The following NRXN1 variants were observed in gnomAD, a reference collection of about 807,000 sequenced individuals.
NRXN1 encodes neurexin-1.
Under a neutral mutation model 150.9 loss-of-function variants are expected in NRXN1, and 39 were observed. The ratio of observed to expected loss-of-function variants is 0.26; its 90% CI spans 0.20 to 0.34. NRXN1 has a LOEUF of 0.34. NRXN1 is among the 10% of genes least tolerant of loss of function. NRXN1 has a pLI of 1.00. For missense variants in NRXN1, 1,815 were observed against 1,949.9 expected, an observed-to-expected ratio of 0.93 and a Z score of 1.30; for synonymous variants, 924 against 757.0, an observed-to-expected ratio of 1.22 and a Z score of -3.62.
At chr2:50,794,517 G>A (rs549608053) in intron 5 of NRXN1, among the ~76,000 whole-genome samples, 115 of 152,160 alleles carry the variant, frequency 7.6e-4, no homozygotes, top group Admixed American at 2.8e-3. Flanking sequence ...ATTATGTGTC[G>A]TGTGAACCAA....
chr2:50,500,444 C>G, intron 13 of NRXN1, among the ~76,000 whole-genome samples: 1 of 152,250 alleles, frequency 6.6e-6, no homozygotes, highest in African/African-American at 2.4e-5. Context: ...AAAATATTAA[C>G]TGATTGTTGC....
At chr2:50,373,567 G>A (rs928192631) in intron 17 of NRXN1, among the ~76,000 whole-genome samples, 6 of 148,504 alleles carry the variant, frequency 4.0e-5, no homozygotes, top group Non-Finnish European at 8.9e-5. Context: ...AATTTTTATA[G>A]AGAGCCCTGA....
chr2:50,491,059 C>T (rs1028308660), intron 15 of NRXN1, among the ~76,000 whole-genome samples: 13 of 152,144 alleles, frequency 8.5e-5, no homozygotes, highest in African/African-American at 3.1e-4. Flanking sequence ...CCTGCTCTAA[C>T]GTTAAGCTCA....
chr2:50,292,335 G>C (rs1016046952), intron 17 of NRXN1, among the ~76,000 whole-genome samples: 1 of 152,134 alleles, frequency 6.6e-6, no homozygotes, highest in Non-Finnish European at 1.5e-5. Flanking sequence ...AGGTAGTTGA[G>C]GGGTTATGAC....
chr2:50,012,384 C>G (rs1231001081), intron 21 of NRXN1, among the ~76,000 whole-genome samples: 2 of 152,018 alleles, frequency 1.3e-5, no homozygotes, highest in Admixed American at 6.6e-5. Flanking sequence ...ATGTGTTTCT[C>G]TTTGTTTAAG....
intron 8 of NRXN1, among the ~76,000 whole-genome samples, chr2:50,613,158 T>A (rs1573789702): frequency 1.3e-5 from 2 of 152,092 alleles, no homozygotes; most frequent in Non-Finnish European, 1.5e-5. Context: ...AGAAAAAAAA[T>A]TTCTTTCTAT....
intron 17 of NRXN1, among the ~76,000 whole-genome samples, chr2:50,318,567 G>A (rs560060682): frequency 6.6e-6 from 1 of 151,962 alleles, no homozygotes; most frequent in Non-Finnish European, 1.5e-5. Context: ...TTACAATATT[G>A]TGATTTTTTT....
chr2:50,883,412 C>A (rs1441394503), intron 5 of NRXN1, among the ~76,000 whole-genome samples: 1 of 147,166 alleles, frequency 6.8e-6, no homozygotes, highest in Admixed American at 7.1e-5. Flanking sequence ...CAACATTCAA[C>A]ATTTACATCT....
At chr2:49,933,453 C>T (rs1295773020) in intron 22 of NRXN1, among the ~76,000 whole-genome samples, 1 of 152,098 alleles carries the variant, frequency 6.6e-6, no homozygotes, top group Non-Finnish European at 1.5e-5. Flanking sequence ...TCACCTGCTG[C>T]CAACTCTCTG....
At chr2:49,923,464 T>C (rs1309683139) in intron 22 of NRXN1, among the ~76,000 whole-genome samples, 1 of 152,192 alleles carries the variant, frequency 6.6e-6, no homozygotes, top group East Asian at 1.9e-4. Context: ...AATGAACAAA[T>C]AATCTCATGA....
intron 2 of NRXN1, among the ~76,000 whole-genome samples, chr2:51,024,299 T>C (rs1351319511): frequency 1.3e-5 from 2 of 152,174 alleles, no homozygotes; most frequent in African/African-American, 4.8e-5. Context: ...AGGCTGACGC[T>C]CAGGGTCAAA....
rs375274694 is a variant in NRXN1, at chr2:50,508,000, A to G, written c.2375-1383T>C. 1.1e-3 allele frequency among the ~76,000 whole-genome samples: 175 copies of G among 152,222 alleles called. 4 individuals are homozygous for G. The highest frequency in any genetic ancestry group is 7.7e-3 in the South Asian group (37 of 4,826). ...ACAGGCCAAGGAGAAGAAGAAAAAAAAAGAGGAGAGCAAGAGAGATCGAGT... is the reference window on the plus strand; with the variant it reads ...ACAGGCCAAGGAGAAGAAGAAAAAAGAAGAGGAGAGCAAGAGAGATCGAGT... On this transcript the variant is annotated intron_variant, in intron 12 of 22. Coordinates refer to ENST00000401669, the MANE Select transcript of NRXN1 (RefSeq NM_001330078.2).
intron 17 of NRXN1, among the ~76,000 whole-genome samples, chr2:50,267,484 A>T (rs1188600805): frequency 6.6e-6 from 1 of 152,194 alleles, no homozygotes; most frequent in African/African-American, 2.4e-5. Flanking sequence ...GAAGGGCCCC[A>T]AAGTTGAAAA....
intron 15 of NRXN1, among the ~76,000 whole-genome samples, chr2:50,478,866 A>G (rs1471569950): frequency 3.9e-5 from 6 of 152,170 alleles, no homozygotes; most frequent in Non-Finnish European, 8.8e-5. Context: ...CCAAGGGGTG[A>G]ATGACTCAAC....
intron 8 of NRXN1, chr2:50,616,252 C>T (rs922123995): frequency 1.3e-5 from 2 of 152,038 alleles, no homozygotes; most frequent in Non-Finnish European, 2.9e-5. Flanking sequence ...AAACAAAGCA[C>T]CATATGAAGT....
chr2:50,949,353 A>G lies in NRXN1; in HGVS notation c.773-23398T>C, dbSNP rs553929608. Among the ~76,000 whole-genome samples the G allele has an allele frequency of 2.6e-5, 4 of 152,162 alleles. No individual in the cohort carries two copies. The East Asian group carries it at 7.7e-4, about 29-fold the overall frequency. On this transcript the variant is annotated intron_variant, in intron 2 of 22. Transcript: ENST00000401669. Reference sequence around the variant, plus strand: ...ATTTAGTTACTTACCTTTCATATCAATTCTGATGTTTCCAAGAGTCAGATA... The same window carrying G: ...ATTTAGTTACTTACCTTTCATATCAGTTCTGATGTTTCCAAGAGTCAGATA...
At chr2:50,789,726 T>A (rs912467224) in intron 5 of NRXN1, among the ~76,000 whole-genome samples, 3 of 152,088 alleles carry the variant, frequency 2.0e-5, no homozygotes, top group Non-Finnish European at 2.9e-5. Context: ...TATTTTTTTT[T>A]AAAGGTGGGG....
At chr2:50,887,170 T>G (rs1680374945) in intron 5 of NRXN1, among the ~76,000 whole-genome samples, 1 of 151,440 alleles carries the variant, frequency 6.6e-6, no homozygotes. Flanking sequence ...TTTGACCAAC[T>G]ACAATTACGT....
chr2:50,008,607 T>G (rs1163717964), intron 21 of NRXN1, among the ~76,000 whole-genome samples: 1 of 151,834 alleles, frequency 6.6e-6, no homozygotes, highest in Non-Finnish European at 1.5e-5. Flanking sequence ...GTCCAGAATA[T>G]GACTCTGAAC....
Sources: allele counts gnomAD v4.1 joint callset (sites outside exome capture counted in the v4.1 genomes callset), GRCh38; gene constraint gnomAD v4.1.1; transcripts MANE v1.5; gene names NCBI Gene and HGNC (gene_info 2026-07-23, HGNC 2026-07-21).